Variants in CABCOCO1 observed in about 807,000 individuals in gnomAD.
The protein encoded by CABCOCO1 is ciliary-associated calcium-binding coiled-coil protein 1.
CABCOCO1 carries 28 observed loss-of-function variants against 35.7 expected under a neutral mutation model. The ratio of observed to expected loss-of-function variants is 0.78; its 90% CI spans 0.58 to 1.07. The LOEUF is 1.07. Among genes scored for constraint, CABCOCO1 ranks in the 50% least tolerant of loss-of-function variants. The probability of loss-of-function intolerance (pLI) is 0.00; values close to 1 mark genes in which losing one functional copy is unlikely to be tolerated. For synonymous variants in CABCOCO1, 95 were observed against 100.1 expected (o/e 0.95, Z 0.30); for missense variants, 326 against 309.2 (o/e 1.05, Z -0.41).
rs1457510835 is a variant in CABCOCO1 at position 61,680,683 on chromosome 10, ACATG to A, written c.165-459_165-456del. Reference sequence around the variant, plus strand: ...TATACATGTATAACATATATGTTATACATGTATAACATATATATGTTATACATGT... The same window carrying A: ...TATACATGTATAACATATATGTTATATATAACATATATATGTTATACATGT... On this transcript the variant is annotated intron_variant, in intron 2 of 7. Coordinates refer to ENST00000648843, the MANE Select transcript of CABCOCO1 (RefSeq NM_001366906.2). Among the ~76,000 whole-genome samples, 14 of 94,794 alleles carry A rather than the reference ACATG, an allele frequency of 1.5e-4. 1 individual carries two copies. The highest frequency in any genetic ancestry group is 2.1e-4 in the Non-Finnish European group (10 of 48,412). The allele number at this position is 94,794 out of a possible 152,430, so 62.2% of individuals were successfully genotyped here.
intron 5 of CABCOCO1, among the ~76,000 whole-genome samples, chr10:61,743,333 C>A (rs1841589792): frequency 6.6e-6 from 1 of 152,110 alleles, no homozygotes; most frequent in African/African-American, 2.4e-5. Context: ...CATATACTTA[C>A]TTCTAGACAT....
chr10:61,689,719 G>A (rs956684873), intron 4 of CABCOCO1, among the ~76,000 whole-genome samples: 1 of 152,060 alleles, frequency 6.6e-6, no homozygotes, highest in Non-Finnish European at 1.5e-5. Flanking sequence ...TTTTGTTCTT[G>A]GGCATTTTGC....
At chr10:61,710,233 A>C (rs1358778857) in intron 5 of CABCOCO1, among the ~76,000 whole-genome samples, 1 of 149,016 alleles carries the variant, frequency 6.7e-6, no homozygotes, top group Non-Finnish European at 1.5e-5. Context: ...TGACATGCTG[A>C]ATTAATGTTT....
chr10:61,730,144 T>C (rs1841267031), intron 5 of CABCOCO1, among the ~76,000 whole-genome samples: 1 of 147,830 alleles, frequency 6.8e-6, no homozygotes. Context: ...CACCCAGCTC[T>C]TGGTTTCTAA....
chr10:61,716,214 A>C (rs1840862621), intron 5 of CABCOCO1, among the ~76,000 whole-genome samples: 1 of 152,152 alleles, frequency 6.6e-6, no homozygotes. Context: ...CATTGTAAGA[A>C]AGGAAAATTA....
intron 1 of CABCOCO1, among the ~76,000 whole-genome samples, chr10:61,669,794 C>G (rs1271918293): frequency 6.6e-6 from 1 of 152,048 alleles, no homozygotes; most frequent in South Asian, 2.1e-4. Context: ...CTACTTTTCT[C>G]CTACCCAGAG....
chr10:61,686,108 A>T lies in CABCOCO1; in HGVS notation c.402A>T (p.Thr134=), dbSNP rs112711586. 6.2e-7 allele frequency: 1 copy of T among 1,608,786 alleles called. No homozygotes were observed. Among genetic ancestry groups the T allele is most frequent in the East Asian group, 2.2e-5 (1 of 44,568 alleles). ...AAGTTATGGCTGAAATAGGACCAAC[A>T]CATTCGCAAAAGAGTGAGGACTGGA... ...LGEVMAEIGP[T]HSQKSEDWNI... The change falls in exon 4 of 8, where the codon ACA becomes ACT. Residue 134 remains threonine (T), a synonymous_variant. Transcript: ENST00000648843.
intron 5 of CABCOCO1, among the ~76,000 whole-genome samples, chr10:61,696,232 G>C (rs754831068): frequency 6.6e-6 from 1 of 152,002 alleles, no homozygotes; most frequent in Non-Finnish European, 1.5e-5. Context: ...ATAAGTCAAG[G>C]ATGCCTATTA....
intron 4 of CABCOCO1, 97 bp downstream of exon 4, chr10:61,686,282 AT>A: frequency 9.4e-7 from 1 of 1,058,444 alleles, no homozygotes; most frequent in Non-Finnish European, 1.3e-6. Flanking sequence ...AGATTCAGAT[AT>A]TTACAGAATT....
chr10:61,746,523 C>T (rs1181509798), intron 5 of CABCOCO1, among the ~76,000 whole-genome samples: 2 of 152,144 alleles, frequency 1.3e-5, no homozygotes, highest in African/African-American at 2.4e-5. Flanking sequence ...AGTGTCAACC[C>T]AGTGAATTAA....
intron 5 of CABCOCO1, among the ~76,000 whole-genome samples, chr10:61,703,023 CT>C (rs1334281905): frequency 1.3e-5 from 2 of 151,882 alleles, no homozygotes; most frequent in Non-Finnish European, 2.9e-5. Context: ...AGGGAAGTTA[CT>C]TTTTCTTCTA....
At chr10:61,711,452 G>A (rs1840732182) in intron 5 of CABCOCO1, among the ~76,000 whole-genome samples, 1 of 151,850 alleles carries the variant, frequency 6.6e-6, no homozygotes, top group African/African-American at 2.4e-5. Flanking sequence ...AATCCTAAAT[G>A]TTTATATACT....
chr10:61,737,653 A>G (rs1371383923), intron 5 of CABCOCO1, among the ~76,000 whole-genome samples: 1 of 152,222 alleles, frequency 6.6e-6, no homozygotes, highest in Non-Finnish European at 1.5e-5. Flanking sequence ...TGCCTTTTGC[A>G]GGAACGTGGT....
At chr10:61,750,872 A>C (rs892857574) in intron 5 of CABCOCO1, among the ~76,000 whole-genome samples, 1 of 152,180 alleles carries the variant, frequency 6.6e-6, no homozygotes, top group Non-Finnish European at 1.5e-5. Context: ...CCCGTGTATA[A>C]AGGCCTGAGC....
intron 5 of CABCOCO1, among the ~76,000 whole-genome samples, chr10:61,708,385 T>C (rs1840645112): frequency 6.6e-6 from 1 of 152,080 alleles, no homozygotes; most frequent in African/African-American, 2.4e-5. Flanking sequence ...TTCCTCCTCA[T>C]TAAAATTGAG....
chr10:61,675,742 A>G (rs959072743), intron 2 of CABCOCO1, among the ~76,000 whole-genome samples: 4 of 152,074 alleles, frequency 2.6e-5, no homozygotes, highest in Admixed American at 1.3e-4. Context: ...AAAAAAAAAC[A>G]TGGTAAAATA....
At chr10:61,721,427 A>G (rs555021315) in intron 5 of CABCOCO1, among the ~76,000 whole-genome samples, 3 of 152,308 alleles carry the variant, frequency 2.0e-5, no homozygotes, top group African/African-American at 7.2e-5. Flanking sequence ...GTGGATATGT[A>G]CCACGAACAA....
chr10:61,710,842 T>C (rs1840718327), intron 5 of CABCOCO1, among the ~76,000 whole-genome samples: 1 of 151,810 alleles, frequency 6.6e-6, no homozygotes, highest in African/African-American at 2.4e-5. Context: ...AGGAAGAAGA[T>C]GGGTACACAG....
At chr10:61,713,970 C>CT (rs983115475) in intron 5 of CABCOCO1, among the ~76,000 whole-genome samples, 4 of 151,948 alleles carry the variant, frequency 2.6e-5, no homozygotes, top group Non-Finnish European at 2.9e-5. Context: ...CTACAATTCT[C>CT]TTTTTTTTGT....
Sources: gnomAD v4.1 joint callset for allele counts (sites outside exome capture counted in the v4.1 genomes callset) on GRCh38, gnomAD v4.1.1 for gene constraint, MANE v1.5 for transcripts, NCBI Gene and HGNC (gene_info 2026-07-23, HGNC 2026-07-21) for gene names.